The following ST6GALNAC5 variants were observed in gnomAD, a reference collection of about 807,000 sequenced individuals.
ST6GALNAC5 encodes the protein ST6 N-acetylgalactosaminide alpha-2,6-sialyltransferase 5.
Under a neutral mutation model 33.6 loss-of-function variants are expected in ST6GALNAC5, and 27 were observed. The ratio of observed to expected loss-of-function variants is 0.80; its 90% CI spans 0.59 to 1.11. ST6GALNAC5 has a LOEUF of 1.11. Among genes scored for constraint, ST6GALNAC5 ranks in the 50% least tolerant of loss-of-function variants. ST6GALNAC5 has a pLI of 0.00. For missense variants in ST6GALNAC5, 428 were observed against 454.0 expected (o/e 0.94, Z 0.52); for synonymous variants, 194 against 171.2 (o/e 1.13, Z -1.04).
chr1:76,902,025 T>C, intron 2 of ST6GALNAC5, among the ~76,000 whole-genome samples: 1 of 152,126 alleles, frequency 6.6e-6, no homozygotes, highest in Non-Finnish European at 1.5e-5. Context: ...AGAAAAGTGT[T>C]ATAAAATGAT....
In ST6GALNAC5 at chr1:76,993,516, T is replaced by C. The variant is rs187253358; in HGVS notation, c.262-50688T>C. Among the ~76,000 whole-genome samples the C allele has an allele frequency of 2.8e-3, 421 of 152,356 alleles. 3 individuals are homozygous for C. Among genetic ancestry groups the C allele is most frequent in the African/African-American group, 9.6e-3 (400 of 41,586 alleles). ...GGAATTTTGTGAGAAATATGGAGTA[T>C]TGCAGCACTATTCTTTGGTCACATG... On this transcript the variant is annotated intron_variant, in intron 2 of 4. Coordinates refer to ENST00000477717, the MANE Select transcript of ST6GALNAC5 (RefSeq NM_030965.3).
At position 76,972,724 on chromosome 1, in the gene ST6GALNAC5, G is replaced by C. The variant is rs575924744; in HGVS notation, c.262-71480G>C. The stretch of plus-strand genomic sequence containing the variant: ...GCTGAGTCTACAAGCAGGTGCATCT[G>C]TCATCTTGATAGATAATGTCACTTG... On this transcript the variant is annotated intron_variant, in intron 2 of 4. Transcript: ENST00000477717. Among the ~76,000 whole-genome samples the C allele has an allele frequency of 8.5e-4, 130 of 152,220 alleles. No homozygotes were observed. The Middle Eastern group carries it at 0.024, about 28-fold the overall frequency.
intron 2 of ST6GALNAC5, among the ~76,000 whole-genome samples, chr1:76,987,859 T>C (rs1649572107): frequency 6.6e-6 from 1 of 152,282 alleles, no homozygotes; most frequent in East Asian, 1.9e-4. Context: ...TAGGTGATGA[T>C]CTTTTTGCGA....
intron 4 of ST6GALNAC5, among the ~76,000 whole-genome samples, chr1:77,058,288 A>T (rs185898889): frequency 7.2e-5 from 11 of 152,254 alleles, no homozygotes; most frequent in African/African-American, 2.6e-4. Flanking sequence ...TAGTTTGGAT[A>T]TGTTTTGTTT....
At chr1:76,873,952 G>T (rs1467228760) in intron 2 of ST6GALNAC5, among the ~76,000 whole-genome samples, 1 of 152,074 alleles carries the variant, frequency 6.6e-6, no homozygotes, top group East Asian at 1.9e-4. Flanking sequence ...TGATCTAATC[G>T]TTGCAGAGAA....
At chr1:76,878,776 C>T (rs1481122804) in intron 2 of ST6GALNAC5, among the ~76,000 whole-genome samples, 1 of 152,102 alleles carries the variant, frequency 6.6e-6, no homozygotes, top group African/African-American at 2.4e-5. Flanking sequence ...AAGTTTTCTG[C>T]TTGTATAAAT....
chr1:76,894,383 C>G (rs1229293459), intron 2 of ST6GALNAC5, among the ~76,000 whole-genome samples: 2 of 152,022 alleles, frequency 1.3e-5, no homozygotes, highest in African/African-American at 4.8e-5. Context: ...GTTTGCGAGC[C>G]TGAAGAGTTT....
intron 2 of ST6GALNAC5, among the ~76,000 whole-genome samples, chr1:76,924,697 G>A (rs1647068144): frequency 6.6e-6 from 1 of 152,006 alleles, no homozygotes; most frequent in African/African-American, 2.4e-5. Context: ...ACAGTTCTAT[G>A]AGCTCAAACA....
chr1:77,064,948 C>T lies in ST6GALNAC5; in HGVS notation c.*1742C>T, dbSNP rs1285315363. ...AATGCAAACACAATCAGGGTACTCA[C>T]ATAACATAAACAAAGTTGATATTGA... On this transcript the variant is annotated 3_prime_UTR_variant, in exon 5 of 5. Coordinates refer to ENST00000477717, the MANE Select transcript of ST6GALNAC5 (RefSeq NM_030965.3). 1 of 152,184 alleles carries T rather than the reference C, an allele frequency of 6.6e-6. No individual in the cohort carries two copies. The highest frequency in any genetic ancestry group is 6.5e-5 in the Admixed American group (1 of 15,276). The allele number at this position is 152,184 out of a possible 1,614,324, so 9.4% of individuals were successfully genotyped here.
intron 2 of ST6GALNAC5, among the ~76,000 whole-genome samples, chr1:77,006,600 G>A (rs770871026): frequency 3.4e-4 from 51 of 152,214 alleles, no homozygotes; most frequent in Non-Finnish European, 6.0e-4. Context: ...GGAATTACAG[G>A]CATGGACCAC....
intron 2 of ST6GALNAC5, among the ~76,000 whole-genome samples, chr1:76,917,634 A>T (rs1264872765): frequency 1.3e-5 from 2 of 151,256 alleles, no homozygotes; most frequent in Non-Finnish European, 2.9e-5. Flanking sequence ...AATAGGCATT[A>T]TAAATAAATA....
intron 2 of ST6GALNAC5, among the ~76,000 whole-genome samples, chr1:76,876,733 C>A (rs754097789): frequency 6.6e-6 from 1 of 152,210 alleles, no homozygotes; most frequent in African/African-American, 2.4e-5. Flanking sequence ...CCCTTCACTG[C>A]TGTCCTTCAG....
intron 2 of ST6GALNAC5, among the ~76,000 whole-genome samples, chr1:76,966,519 A>G (rs547153938): frequency 6.6e-6 from 1 of 152,348 alleles, no homozygotes; most frequent in South Asian, 2.1e-4. Flanking sequence ...GGGGTTTTCT[A>G]AATATAAAAT....
chr1:77,045,362 C>T lies in ST6GALNAC5; in HGVS notation c.671+749C>T, dbSNP rs186154557. 2.0e-3 allele frequency among the ~76,000 whole-genome samples: 303 copies of T among 152,198 alleles called. 3 individuals are homozygous for T. Among genetic ancestry groups the T allele is most frequent in the South Asian group, 0.016 (76 of 4,830 alleles). On this transcript the variant is annotated intron_variant, in intron 3 of 4. Transcript: ENST00000477717. ...GTATTGTTTCATGAAACTTTTATTT[C>T]AGTTTGATAGAGATGGAGATAGATG...
chr1:77,059,796 T>G (rs1239146307), intron 4 of ST6GALNAC5, among the ~76,000 whole-genome samples: 1 of 152,164 alleles, frequency 6.6e-6, no homozygotes. Context: ...TTTTCTACAT[T>G]GTTTATTGGA....
At chr1:76,978,835 T>C (rs1231950975) in intron 2 of ST6GALNAC5, among the ~76,000 whole-genome samples, 1 of 152,094 alleles carries the variant, frequency 6.6e-6, no homozygotes, top group Non-Finnish European at 1.5e-5. Context: ...GGAAGCCAAA[T>C]TGTCCCTGGT....
intron 2 of ST6GALNAC5, 117 bp from the exon 3 acceptor site, chr1:77,044,087 A>T: frequency 2.6e-6 from 3 of 1,136,342 alleles, no homozygotes; most frequent in Non-Finnish European, 3.7e-6. Context: ...CTCTGACATG[A>T]TGGGGAGGAG....
chr1:77,002,400 G>C (rs28783129), intron 2 of ST6GALNAC5, among the ~76,000 whole-genome samples: 67,432 of 151,824 alleles, frequency 0.44, 15,409 homozygotes, highest in Middle Eastern at 0.59. Flanking sequence ...TATTAGTCTT[G>C]ATAGCGGTCT....
rs778510506 is a variant in ST6GALNAC5 at position 77,062,997 on chromosome 1, C to T, written c.802C>T (p.Pro268Ser). Residue 268 changes from proline to serine, a missense_variant, in exon 5 of 5, where the codon CCT (proline) becomes TCT (serine). By Grantham distance (74) the Pro-to-Ser change is moderately conservative (BLOSUM62 -1). Transcript: ENST00000477717. ...CAGGGATCCCAATCACCCTTCAGTA[C>T]CTTATCATTATTATGAACCTTTTGG... ...FCRDPNHPSV[P>S]YHYYEPFGPD... 6.2e-7 allele frequency: 1 copy of T among 1,613,766 alleles called. No homozygotes were observed. Among genetic ancestry groups the T allele is most frequent in the Non-Finnish European group, 8.5e-7 (1 of 1,179,822 alleles).
Sources: allele counts gnomAD v4.1 joint callset (sites outside exome capture counted in the v4.1 genomes callset), GRCh38; gene constraint gnomAD v4.1.1; transcripts MANE v1.5; gene names NCBI Gene and HGNC (gene_info 2026-07-23, HGNC 2026-07-21).